The following MMP20 variants were observed in gnomAD, a reference collection of about 807,000 sequenced individuals.
MMP20 encodes matrix metallopeptidase 20, also known as matrix metalloproteinase-20.
Under a neutral mutation model 51.8 loss-of-function variants are expected in MMP20, and 50 were observed. The observed-to-expected ratio is 0.97, with a 90% CI of 0.77 to 1.22. The LOEUF (loss-of-function observed/expected upper bound fraction) is 1.22. Among genes scored for constraint, MMP20 ranks in the 50% most tolerant of loss-of-function variants. The pLI is 0.00. For missense variants in MMP20, 663 were observed against 601.4 expected, an observed-to-expected ratio of 1.10 and a Z score of -1.07; for synonymous variants, 244 against 216.2, an observed-to-expected ratio of 1.13 and a Z score of -1.13.
At position 102,611,784 on chromosome 11, in the gene MMP20, G is replaced by A. The variant is rs568218230; in HGVS notation, c.494C>T (p.Ala165Val). The A allele has an allele frequency of 2.4e-5, 38 of 1,614,028 alleles. No homozygotes were observed. The South Asian group carries it at 2.5e-4, about 11-fold the overall frequency. ...ATTTTCAAAAGATATCATAATATCCGCTTCTCCTGAGTTTATTCTGACAAA... is the reference window on the plus strand; with the variant it reads ...ATTTTCAAAAGATATCATAATATCCACTTCTCCTGAGTTTATTCTGACAAA... ...LSFVRINSGE[A>V]DIMISFENGD... The change falls in exon 3 of 10, where the codon GCG becomes GTG. Residue 165 changes from alanine (A) to valine (V), a missense_variant. Transcript: ENST00000260228.
chr11:102,585,758 A>G (rs1859247856), intron 8 of MMP20, among the ~76,000 whole-genome samples: 4 of 152,154 alleles, frequency 2.6e-5, no homozygotes, highest in Admixed American at 2.6e-4. Context: ...CTCTTTATTG[A>G]TTTGAAAACG....
chr11:102,612,290 C>T (rs1239850506), intron 2 of MMP20, among the ~76,000 whole-genome samples: 1 of 152,164 alleles, frequency 6.6e-6, no homozygotes, highest in Non-Finnish European at 1.5e-5. Context: ...GATGGTGAAA[C>T]CCCATCTCTA....
chr11:102,580,819 G>A (rs1859183810), intron 8 of MMP20, among the ~76,000 whole-genome samples: 1 of 152,168 alleles, frequency 6.6e-6, no homozygotes, highest in South Asian at 2.1e-4. Flanking sequence ...AAGGCAGGAA[G>A]GACATAAACT....
chr11:102,609,219 A>G (rs1859561498), intron 4 of MMP20, 121 bp from the exon 5 acceptor site: 1 of 918,830 alleles, frequency 1.1e-6, no homozygotes, highest in African/African-American at 1.6e-5. Flanking sequence ...TCCTAACTGG[A>G]TTATTCAAAG....
intron 8 of MMP20, among the ~76,000 whole-genome samples, chr11:102,592,720 AAG>A (rs1859331626): frequency 6.6e-6 from 1 of 152,192 alleles, no homozygotes; most frequent in East Asian, 1.9e-4. Context: ...ACAGGCAAAA[AAG>A]AGAAAACTGG....
intron 8 of MMP20, among the ~76,000 whole-genome samples, chr11:102,582,630 G>T (rs1040093993): frequency 1.3e-5 from 2 of 152,086 alleles, no homozygotes; most frequent in African/African-American, 4.8e-5. Context: ...CCAGATGAGG[G>T]TCAGGAAACA....
intron 8 of MMP20, among the ~76,000 whole-genome samples, chr11:102,589,114 G>C (rs533621208): frequency 1.9e-4 from 29 of 152,248 alleles, no homozygotes; most frequent in African/African-American, 7.0e-4. Context: ...CTGTAACCTG[G>C]TTTCCTTGGG....
At chr11:102,605,205 T>G (rs11225341) in intron 6 of MMP20, 2,460 of 152,270 alleles carry the variant, frequency 0.016, 70 homozygotes, top group African/African-American at 0.056. Flanking sequence ...AGATGGCGGC[T>G]GCCTACAAGC....
intron 8 of MMP20, among the ~76,000 whole-genome samples, chr11:102,583,205 A>G (rs1190578292): frequency 6.6e-6 from 1 of 152,230 alleles, no homozygotes; most frequent in East Asian, 1.9e-4. Flanking sequence ...CCAACTAGTC[A>G]GTCATCCAGA....
At chr11:102,622,214 G>A (rs936623959) in intron 1 of MMP20, among the ~76,000 whole-genome samples, 2 of 152,138 alleles carry the variant, frequency 1.3e-5, no homozygotes, top group African/African-American at 4.8e-5. Flanking sequence ...GTTTGGAAAC[G>A]TGGCCTCTCT....
At position 102,577,413 on chromosome 11, in the gene MMP20, GAA is replaced by G; in HGVS notation, c.1363_1364del (p.Phe455LeufsTer10). The G allele has an allele frequency of 6.2e-7, 1 of 1,613,002 alleles. No homozygotes were observed. Among genetic ancestry groups the G allele is most frequent in the South Asian group, 1.1e-5 (1 of 91,050 alleles). On this transcript the variant is annotated frameshift_variant, in exon 10 of 10. Coordinates refer to ENST00000260228, the MANE Select transcript of MMP20 (RefSeq NM_004771.4). LOFTEE classifies it high-confidence loss of function. The stretch of plus-strand genomic sequence containing the variant: ...ACTTGTATGTTTTTGGTCCTGAAAA[GAA>G]GTAAATGTAGCCTAAAAGAGACAAA... ...AAVELNGYIYFFSGPKTYKYD... is the reference protein window; with the variant it reads ...AAVELNGYIYXFSGPKTYKYD...
At chr11:102,623,428 A>G (rs1000890992) in intron 1 of MMP20, among the ~76,000 whole-genome samples, 7 of 152,134 alleles carry the variant, frequency 4.6e-5, no homozygotes, top group African/African-American at 1.7e-4. Context: ...TGTGAACTGC[A>G]TGTGTGAGGG....
chr11:102,624,135 C>T (rs1859786232), intron 1 of MMP20, among the ~76,000 whole-genome samples: 1 of 152,180 alleles, frequency 6.6e-6, no homozygotes, highest in Non-Finnish European at 1.5e-5. Flanking sequence ...TAGGGACATG[C>T]CATTGCACAT....
intron 9 of MMP20, 123 bp downstream of exon 9, chr11:102,578,916 A>G: frequency 2.7e-6 from 2 of 732,052 alleles, no homozygotes; most frequent in Non-Finnish European, 4.9e-6. Flanking sequence ...TTATGAAAGG[A>G]CCTAAGACCA....
chr11:102,605,976 GA>G (rs1198721062), intron 6 of MMP20, among the ~76,000 whole-genome samples: 1 of 152,200 alleles, frequency 6.6e-6, no homozygotes, highest in Non-Finnish European at 1.5e-5. Context: ...AGTTTCGGAA[GA>G]ATGCTGGCCT....
chr11:102,591,173 G>C (rs946423942), intron 8 of MMP20, among the ~76,000 whole-genome samples: 3 of 152,326 alleles, frequency 2.0e-5, no homozygotes, highest in East Asian at 3.9e-4. Context: ...AATAGGGCCA[G>C]TACAATAGGT....
At chr11:102,586,860 A>C (rs144236140) in intron 8 of MMP20, among the ~76,000 whole-genome samples, 2 of 152,260 alleles carry the variant, frequency 1.3e-5, no homozygotes, top group African/African-American at 2.4e-5. Flanking sequence ...AATCTAGTAG[A>C]AAGTTTGTCA....
intron 6 of MMP20, among the ~76,000 whole-genome samples, chr11:102,599,079 C>T (rs1431673652): frequency 6.7e-6 from 1 of 149,254 alleles, no homozygotes; most frequent in South Asian, 2.1e-4. Flanking sequence ...GCGGCGCAAT[C>T]TCAGCTCACT....
chr11:102,609,756 G>C, intron 4 of MMP20, 149 bp downstream of exon 4: 5 of 1,042,660 alleles, frequency 4.8e-6, no homozygotes, highest in Non-Finnish European at 5.8e-6. Flanking sequence ...TCCCTTATGT[G>C]ATCCCTTTTG....
Sources: allele counts gnomAD v4.1 joint callset (sites outside exome capture counted in the v4.1 genomes callset), GRCh38; gene constraint gnomAD v4.1.1; transcripts MANE v1.5; gene names NCBI Gene and HGNC (gene_info 2026-07-23, HGNC 2026-07-21).